Variants in RIMS1 observed in about 807,000 individuals in gnomAD.
RIMS1 encodes regulating synaptic membrane exocytosis protein 1.
Under a neutral mutation model 214.1 loss-of-function variants are expected in RIMS1, and 83 were observed. The ratio of observed to expected loss-of-function variants is 0.39; its 90% CI spans 0.32 to 0.47. RIMS1 has a LOEUF of 0.47. RIMS1 is among the 20% of genes least tolerant of loss of function. RIMS1 has a pLI of 0.99. For synonymous variants in RIMS1, 793 were observed against 786.8 expected, an observed-to-expected ratio of 1.01 and a Z score of -0.13; for missense variants, 2,050 against 2,161.8, an observed-to-expected ratio of 0.95 and a Z score of 1.03.
At chr6:72,164,777 G>A (rs191451188) in intron 4 of RIMS1, among the ~76,000 whole-genome samples, 2 of 152,260 alleles carry the variant, frequency 1.3e-5, no homozygotes, top group East Asian at 3.9e-4. Context: ...CAGATTTGTT[G>A]TCTCAAATCC....
chr6:72,144,636 C>G (rs991812262), intron 4 of RIMS1, among the ~76,000 whole-genome samples: 1 of 151,934 alleles, frequency 6.6e-6, no homozygotes, highest in African/African-American at 2.4e-5. Flanking sequence ...AAAAAAGAAG[C>G]CTTCAGGTTA....
chr6:72,062,286 A>T (rs1828056902), intron 2 of RIMS1, among the ~76,000 whole-genome samples: 2 of 150,912 alleles, frequency 1.3e-5, no homozygotes, highest in South Asian at 2.1e-4. Context: ...TTTGGTCTGT[A>T]TTTTTTTTTC....
chr6:72,168,743 T>C lies in RIMS1; in HGVS notation c.472-10832T>C, dbSNP rs1032745823. On this transcript the variant is annotated intron_variant, in intron 4 of 33. Transcript: ENST00000521978. ...AGGGTTTTTTTTTTTTTTTTTTTTTTCTAGTGGGAGACTGCCTTTTCCTGG... is the reference window on the plus strand; with the variant it reads ...AGGGTTTTTTTTTTTTTTTTTTTTTCCTAGTGGGAGACTGCCTTTTCCTGG... Among the ~76,000 whole-genome samples the C allele has an allele frequency of 1.1e-3, 100 of 88,178 alleles. 4 individuals carry two copies. The East Asian group carries it at 0.032, about 28-fold the overall frequency. The allele number at this position is 88,178 out of a possible 152,430, so 57.8% of individuals were successfully genotyped here.
At chr6:72,220,938 C>A (rs1251922060) in intron 6 of RIMS1, among the ~76,000 whole-genome samples, 1 of 151,976 alleles carries the variant, frequency 6.6e-6, no homozygotes, top group Non-Finnish European at 1.5e-5. Context: ...GTAATCAGAG[C>A]TATTCAATTA....
intron 28 of RIMS1, among the ~76,000 whole-genome samples, chr6:72,326,849 A>C (rs981251657): frequency 3.3e-5 from 5 of 151,736 alleles, no homozygotes; most frequent in Admixed American, 1.3e-4. Flanking sequence ...TAGTAACAGG[A>C]GTGCTTATAA....
chr6:72,277,104 A>G (rs745513823), intron 23 of RIMS1, among the ~76,000 whole-genome samples: 2 of 152,232 alleles, frequency 1.3e-5, no homozygotes, highest in Non-Finnish European at 2.9e-5. Flanking sequence ...AGAGTTATCC[A>G]GTACATTCAA....
intron 29 of RIMS1, among the ~76,000 whole-genome samples, chr6:72,346,512 A>G (rs2097270637): frequency 6.6e-6 from 1 of 151,748 alleles, no homozygotes; most frequent in Non-Finnish European, 1.5e-5. Context: ...AAAGATGTTT[A>G]TGAACTCCCA....
At position 72,354,816 on chromosome 6, in the gene RIMS1, T is replaced by A. The variant is rs573276578; in HGVS notation, c.4366+20981T>A. Among the ~76,000 whole-genome samples, 53 of 152,354 alleles carry A rather than the reference T, an allele frequency of 3.5e-4. No homozygotes were observed. The South Asian group carries it at 9.7e-3, about 28-fold the overall frequency. ...TAGACCTTTTGGGGTTCTGTTAACA[T>A]AAGTCTAGGCCAAGAAGTAAGTCTA... On this transcript the variant is annotated intron_variant, in intron 29 of 33. Coordinates refer to ENST00000521978, the MANE Select transcript of RIMS1 (RefSeq NM_014989.7).
chr6:72,400,347 T>C lies in RIMS1; in HGVS notation c.4861-149T>C, dbSNP rs1596447126. The C allele has an allele frequency of 1.8e-5, 12 of 658,034 alleles. No homozygotes were observed. In the East Asian group the frequency reaches 1.9e-4, roughly 10 times the overall value. 40.8% of individuals were successfully genotyped at this position (658,034 alleles called of 1,614,324 possible). A position where few individuals can be genotyped will look rare whatever the true frequency, so the allele number is the denominator to read the frequency against. On this transcript the variant is annotated intron_variant, in intron 33 of 33. Transcript: ENST00000521978. ...ACCTTAAGGTTAGTGTATCTTCTTA[T>C]CTGTGCCTTCTCCTTGGTGATAGTT...
intron 2 of RIMS1, among the ~76,000 whole-genome samples, chr6:72,064,136 G>A (rs1009343861): frequency 6.6e-6 from 1 of 152,122 alleles, no homozygotes; most frequent in African/African-American, 2.4e-5. Flanking sequence ...TGGCCAACAT[G>A]GCGAAACTCC....
chr6:71,955,737 A>G (rs1195024924), intron 1 of RIMS1, among the ~76,000 whole-genome samples: 1 of 152,160 alleles, frequency 6.6e-6, no homozygotes. Context: ...TTTAATTTTA[A>G]TAGTGTCTTT....
chr6:71,958,639 T>G (rs113489061), intron 1 of RIMS1, among the ~76,000 whole-genome samples: 44 of 152,156 alleles, frequency 2.9e-4, no homozygotes, highest in African/African-American at 9.9e-4. Flanking sequence ...TAAGATATAA[T>G]AGGAATTGTG....
Position 72,265,972 on chromosome 6 carries a change from C to G in RIMS1, c.3321C>G (p.Pro1107=). The change falls in exon 22 of 34, where the codon CCC becomes CCG. Residue 1107 remains proline (P), a synonymous_variant. Transcript: ENST00000521978. The part of the protein sequence containing the change: ...TDEILVSELQ[P]FLDRARSAST... ...GCACTGGCACTAGTGAACTGCAGCC[C>G]TTTCTTGACAGGGCTAGGAGTGCTA... 6.4e-7 allele frequency: 1 copy of G among 1,573,530 alleles called. No homozygotes were observed. The highest frequency in any genetic ancestry group is 8.6e-7 in the Non-Finnish European group (1 of 1,157,964).
intron 2 of RIMS1, among the ~76,000 whole-genome samples, chr6:72,037,192 C>T (rs1452515138): frequency 1.3e-5 from 2 of 151,412 alleles, no homozygotes; most frequent in East Asian, 1.9e-4. Flanking sequence ...GCTGAGGTGA[C>T]GGGAGGATTT....
chr6:72,135,239 A>G (rs1235441063), intron 4 of RIMS1, among the ~76,000 whole-genome samples: 2 of 152,206 alleles, frequency 1.3e-5, no homozygotes, highest in Non-Finnish European at 1.5e-5. Context: ...TCAGCTCAAA[A>G]CACAAGCAAT....
chr6:72,394,024 T>TAA (rs79272785), intron 31 of RIMS1, among the ~76,000 whole-genome samples: 2 of 111,920 alleles, frequency 1.8e-5, no homozygotes, highest in Admixed American at 9.4e-5. Context: ...AATTATGAAC[T>TAA]AAAAAAAAAA....
intron 28 of RIMS1, among the ~76,000 whole-genome samples, chr6:72,316,310 G>A (rs1182020121): frequency 6.6e-6 from 1 of 152,124 alleles, no homozygotes; most frequent in Non-Finnish European, 1.5e-5. Context: ...ATGGATGGGT[G>A]GTGGACAGAG....
chr6:72,059,531 C>T (rs1387545771), intron 2 of RIMS1, among the ~76,000 whole-genome samples: 1 of 152,156 alleles, frequency 6.6e-6, no homozygotes, highest in Non-Finnish European at 1.5e-5. Flanking sequence ...ATCTGGCCCT[C>T]TACCAGGTAT....
intron 29 of RIMS1, among the ~76,000 whole-genome samples, chr6:72,387,586 T>C (rs2098635242): frequency 2.0e-5 from 3 of 152,162 alleles, no homozygotes; most frequent in Admixed American, 1.3e-4. Flanking sequence ...ACAATGGCCA[T>C]AGATGAAGTC....
Sources: allele counts gnomAD v4.1 joint callset (sites outside exome capture counted in the v4.1 genomes callset), GRCh38; gene constraint gnomAD v4.1.1; transcripts MANE v1.5; gene names NCBI Gene and HGNC (gene_info 2026-07-23, HGNC 2026-07-21).